INPP5F: variants seen among roughly 807,000 people sequenced by gnomAD.
INPP5F encodes phosphatidylinositide 4-phosphatase SAC2.
INPP5F carries 97 observed loss-of-function variants against 137.2 expected under a neutral mutation model. The ratio of observed to expected loss-of-function variants is 0.71; its 90% CI spans 0.60 to 0.84. The LOEUF (loss-of-function observed/expected upper bound fraction) is 0.84, where lower values mean the gene tolerates loss of function less well. INPP5F is among the 40% of genes least tolerant of loss of function. The pLI, the probability that INPP5F is intolerant of heterozygous loss-of-function variation, is 0.00. For missense variants in INPP5F, 1,271 were observed against 1,371.9 expected (o/e 0.93, Z 1.16); for synonymous variants, 504 against 476.9 (o/e 1.06, Z -0.74).
In INPP5F at chr10:119,796,877, G is replaced by A; in HGVS notation, c.832G>A (p.Val278Met). 6.2e-7 allele frequency: 1 copy of A among 1,613,938 alleles called. No individual in the cohort carries two copies. The highest frequency in any genetic ancestry group is 8.5e-7 in the Non-Finnish European group (1 of 1,179,960). ...AGATGATATTCACCCACGATTTCTA[G>A]TGGCTCTCATTTCACGCCGAAGTAG... ...CVDDIHPRFL[V>M]ALISRRSRHR... Residue 278 changes from valine (V) to methionine (M), a missense_variant, in exon 7 of 20, where the codon GTG (valine) becomes ATG (methionine). Transcript: ENST00000650623.
At chr10:119,732,576 T>C (rs1345762887) in intron 1 of INPP5F, among the ~76,000 whole-genome samples, 1 of 147,314 alleles carries the variant, frequency 6.8e-6, no homozygotes, top group Non-Finnish European at 1.5e-5. Context: ...CTCGGCTCAT[T>C]GCAACCTCTG....
intron 6 of INPP5F, among the ~76,000 whole-genome samples, chr10:119,794,560 C>T (rs377468175): frequency 6.6e-6 from 1 of 151,170 alleles, no homozygotes; most frequent in African/African-American, 2.4e-5. Flanking sequence ...GGGTGGTGGC[C>T]GGGCAGAGGG....
chr10:119,823,916 TTC>T lies in INPP5F; in HGVS notation c.2249+19_2249+20del. On this transcript the variant is annotated intron_variant, in intron 19 of 19. Transcript: ENST00000650623. ...GAAACTTGAGAGGTGAGTATACTGCTTCTCTCAAGAATAAAGGCATTCTTATC... is the reference window on the plus strand; with the variant it reads ...GAAACTTGAGAGGTGAGTATACTGCTTCTCAAGAATAAAGGCATTCTTATC... 1 of 1,575,090 alleles carries T rather than the reference TTC, an allele frequency of 6.3e-7. No homozygotes were observed. Among genetic ancestry groups the T allele is most frequent in the South Asian group, 1.1e-5 (1 of 88,818 alleles).
chr10:119,750,139 A>G (rs1220393763), intron 1 of INPP5F, among the ~76,000 whole-genome samples: 1 of 152,256 alleles, frequency 6.6e-6, no homozygotes, highest in Admixed American at 6.5e-5. Context: ...GCAATAGTCA[A>G]AACTCAAATG....
At chr10:119,810,349 A>G (rs1422681501) in intron 14 of INPP5F, 132 bp downstream of exon 14, 9 of 501,806 alleles carry the variant, frequency 1.8e-5, no homozygotes, top group South Asian at 1.7e-4. Context: ...CATCTTACCC[A>G]ATATATCAAA....
intron 6 of INPP5F, among the ~76,000 whole-genome samples, chr10:119,795,114 T>C (rs1850311362): frequency 7.4e-6 from 1 of 134,384 alleles, no homozygotes; most frequent in Non-Finnish European, 1.6e-5. Flanking sequence ...ACGGGGCGGC[T>C]GGCCGGGCGG....
intron 2 of INPP5F, among the ~76,000 whole-genome samples, chr10:119,755,180 A>G (rs1848803051): frequency 6.6e-6 from 1 of 152,222 alleles, no homozygotes; most frequent in Admixed American, 6.5e-5. Context: ...TAGGAACTGT[A>G]TTAGTTTGCT....
At chr10:119,791,699 G>C in intron 4 of INPP5F, 54 bp downstream of exon 4, 7 of 1,478,696 alleles carry the variant, frequency 4.7e-6, no homozygotes, top group Non-Finnish European at 6.5e-6. Flanking sequence ...GTTTTAAATA[G>C]AGAGATAATT....
At chr10:119,797,434 C>T in intron 7 of INPP5F, 27 bp from the exon 8 acceptor site, 1 of 1,547,552 alleles carries the variant, frequency 6.5e-7, no homozygotes, top group Non-Finnish European at 8.8e-7. Context: ...TAAAATGTTG[C>T]TGTTTTCTGT....
intron 15 of INPP5F, chr10:119,819,325 G>A (rs1851448386): frequency 2.1e-6 from 2 of 952,152 alleles, no homozygotes; most frequent in Admixed American, 5.3e-5. Flanking sequence ...GGGGAGGGTT[G>A]ACATTTTCCG....
At chr10:119,775,319 G>A (rs1849488081) in intron 2 of INPP5F, among the ~76,000 whole-genome samples, 1 of 152,086 alleles carries the variant, frequency 6.6e-6, no homozygotes, top group African/African-American at 2.4e-5. Context: ...GTGCAGTGGT[G>A]TGATCATGGC....
At chr10:119,821,362 A>ATGTGTGTG (rs1411173805) in intron 16 of INPP5F, among the ~76,000 whole-genome samples, 2 of 141,912 alleles carry the variant, frequency 1.4e-5, no homozygotes, top group South Asian at 5.3e-4. Context: ...GTGTGTGTGC[A>ATGTGTGTG]TGTGCCTGCG....
At chr10:119,800,391 T>TG (rs1045262473) in intron 9 of INPP5F, among the ~76,000 whole-genome samples, 6 of 132,484 alleles carry the variant, frequency 4.5e-5, no homozygotes, top group African/African-American at 5.4e-5. Flanking sequence ...CTGTCTCTAC[T>TG]GAAAAAAAAA....
At chr10:119,795,647 G>A (rs1457107013) in intron 6 of INPP5F, among the ~76,000 whole-genome samples, 8 of 151,304 alleles carry the variant, frequency 5.3e-5, no homozygotes, top group Non-Finnish European at 8.9e-5. Flanking sequence ...GTGGCCAGGC[G>A]GAGACGCTCC....
intron 9 of INPP5F, among the ~76,000 whole-genome samples, chr10:119,803,451 A>G (rs1850663138): frequency 6.6e-6 from 1 of 152,212 alleles, no homozygotes; most frequent in African/African-American, 2.4e-5. Context: ...GTGTTTACAT[A>G]GGTCTGCTTC....
At chr10:119,738,608 A>G (rs1390623772) in intron 1 of INPP5F, among the ~76,000 whole-genome samples, 1 of 151,532 alleles carries the variant, frequency 6.6e-6, no homozygotes, top group Non-Finnish European at 1.5e-5. Flanking sequence ...TTTAATGCCA[A>G]CTTGTTTTAT....
chr10:119,815,651 A>G (rs902255118), intron 15 of INPP5F: 25 of 304,922 alleles, frequency 8.2e-5, no homozygotes, highest in Non-Finnish European at 1.7e-4. Flanking sequence ...TAAGGCAGAG[A>G]TGGGCAGGGG....
chr10:119,795,132 A>AC lies in INPP5F; in HGVS notation c.670-1576dup, dbSNP rs1255439191. On this transcript the variant is annotated intron_variant, in intron 6 of 19. Coordinates refer to ENST00000650623, the MANE Select transcript of INPP5F (RefSeq NM_014937.4). Reference sequence around the variant, plus strand: ...GGGCGGCTGGCCGGGCGGGGGGCTGACCCCCCCACCTCCCTCCCAGACGGG... The same window carrying AC: ...GGGCGGCTGGCCGGGCGGGGGGCTGACCCCCCCCACCTCCCTCCCAGACGGG... 2.2e-4 allele frequency among the ~76,000 whole-genome samples: 23 copies of AC among 103,054 alleles called. No homozygotes were observed. In the East Asian group the frequency reaches 5.9e-3, roughly 26 times the overall value. 67.6% of individuals were successfully genotyped at this position (103,054 alleles called of 152,430 possible). A position where few individuals can be genotyped will look rare whatever the true frequency, so the allele number is the denominator to read the frequency against.
intron 1 of INPP5F, among the ~76,000 whole-genome samples, chr10:119,732,205 T>G (rs1465708889): frequency 6.6e-6 from 1 of 151,846 alleles, no homozygotes; most frequent in Admixed American, 6.6e-5. Context: ...CTGGCTAATT[T>G]TTTGTATTTT....
Sources: allele counts gnomAD v4.1 joint callset (sites outside exome capture counted in the v4.1 genomes callset), GRCh38; gene constraint gnomAD v4.1.1; transcripts MANE v1.5; gene names NCBI Gene and HGNC (gene_info 2026-07-23, HGNC 2026-07-21).